Variants in MFN1 observed in about 807,000 individuals in gnomAD.
MFN1 encodes the protein mitofusin 1.
In MFN1, 65 loss-of-function variants were observed where a neutral mutation model predicts 92.4. That is an observed-to-expected ratio of 0.70 (90% CI 0.58 to 0.86). The LOEUF (loss-of-function observed/expected upper bound fraction) is 0.86, where lower values mean the gene tolerates loss of function less well. Ranked by LOEUF, MFN1 falls within the 40% of genes least tolerant of loss-of-function variation. The pLI is 0.00. For missense variants in MFN1, 781 were observed against 868.0 expected (o/e 0.90, Z 1.26); for synonymous variants, 297 against 300.9 (o/e 0.99, Z 0.13).
At chr3:179,349,545 G>A (rs1270738654) in intron 2 of MFN1, among the ~76,000 whole-genome samples, 3 of 148,078 alleles carry the variant, frequency 2.0e-5, no homozygotes, top group Non-Finnish European at 4.5e-5. Flanking sequence ...GTCTTGTCTT[G>A]TTGCCCAGGC....
chr3:179,394,925 C>G lies in MFN1; in HGVS notation c.*2866C>G, dbSNP rs952940373. 6.6e-6 allele frequency: 1 copy of G among 152,024 alleles called. No individual in the cohort carries two copies. The highest frequency in any genetic ancestry group is 1.5e-5 in the Non-Finnish European group (1 of 67,998). The allele number at this position is 152,024 out of a possible 1,614,324, so 9.4% of individuals were successfully genotyped here. A position where few individuals can be genotyped will look rare whatever the true frequency, so the allele number is the denominator to read the frequency against. ...GCAAGATGAAAATAAAACCTGTTTG[C>G]CTGATAGTTGACAAATGTAGCATTT... On this transcript the variant is annotated 3_prime_UTR_variant, in exon 18 of 18. Coordinates refer to ENST00000471841, the MANE Select transcript of MFN1 (RefSeq NM_033540.3).
At chr3:179,365,265 G>A in intron 7 of MFN1, 40 bp downstream of exon 7, 2 of 1,099,214 alleles carry the variant, frequency 1.8e-6, no homozygotes, top group Non-Finnish European at 2.6e-6. Context: ...TTGAAATACA[G>A]TCACATACAT....
At chr3:179,374,907 TA>T (rs1261133596) in intron 9 of MFN1, among the ~76,000 whole-genome samples, 1 of 152,222 alleles carries the variant, frequency 6.6e-6, no homozygotes, top group African/African-American at 2.4e-5. Context: ...ATAAAAATAG[TA>T]ATTCTAATGA....
rs74351803 is a variant in MFN1 at position 179,373,375 on chromosome 3, T to G, written c.976-1845T>G. ...GGATAAGAAATGTAGCACTAGAGTA[T>G]TAAGTAAATGCCTTTTGAAGCCTAA... On this transcript the variant is annotated intron_variant, in intron 9 of 17. Coordinates refer to ENST00000471841, the MANE Select transcript of MFN1 (RefSeq NM_033540.3). Among the ~76,000 whole-genome samples the G allele has an allele frequency of 4.0e-3, 614 of 152,292 alleles. 35 individuals carry two copies. In the East Asian group the frequency reaches 0.085, roughly 21 times the overall value.
intron 9 of MFN1, among the ~76,000 whole-genome samples, chr3:179,371,785 A>G (rs572103991): frequency 1.4e-4 from 21 of 152,178 alleles, no homozygotes; most frequent in East Asian, 1.4e-3. Context: ...AAATTTGAAC[A>G]TGAACTGTTT....
rs34938438 is a variant in MFN1, at chr3:179,370,392, C to CTTTTTTTTTTTTTT, written c.975+2299_975+2312dup. Among the ~76,000 whole-genome samples, 15 of 88,078 alleles carry CTTTTTTTTTTTTTT rather than the reference C, an allele frequency of 1.7e-4. 1 individual carries two copies. Among genetic ancestry groups the CTTTTTTTTTTTTTT allele is most frequent in the Admixed American group, 3.2e-4 (2 of 6,202 alleles). The allele number at this position is 88,078 out of a possible 152,430, so 57.8% of individuals were successfully genotyped here. ...TTTTTGGGGTTTCATTCACTAAGTT[C>CTTTTTTTTTTTTTT]TTTTTTTTTTTTTTTTTTTTTTTGA... On this transcript the variant is annotated intron_variant, in intron 9 of 17. Coordinates refer to ENST00000471841, the MANE Select transcript of MFN1 (RefSeq NM_033540.3).
chr3:179,374,635 A>G (rs984993024), intron 9 of MFN1, among the ~76,000 whole-genome samples: 1 of 152,062 alleles, frequency 6.6e-6, no homozygotes, highest in African/African-American at 2.4e-5. Context: ...AGTAATTACA[A>G]TTATCTTCTA....
chr3:179,383,874 T>TGGGTCC (rs1435092868), intron 14 of MFN1, among the ~76,000 whole-genome samples: 24 of 152,174 alleles, frequency 1.6e-4, no homozygotes, highest in Non-Finnish European at 2.6e-4. Context: ...TTTAAAAAAT[T>TGGGTCC]TATCAATTCA....
intron 4 of MFN1, among the ~76,000 whole-genome samples, chr3:179,360,040 C>A (rs58902410): frequency 1.3e-5 from 2 of 151,840 alleles, no homozygotes; most frequent in Non-Finnish European, 1.5e-5. Context: ...CTCAGCCTCC[C>A]GAGTAGCTGG....
At chr3:179,350,217 T>C (rs762709182) in intron 2 of MFN1, among the ~76,000 whole-genome samples, 5 of 152,140 alleles carry the variant, frequency 3.3e-5, no homozygotes, top group Non-Finnish European at 1.5e-5. Flanking sequence ...TGTAAATTTT[T>C]CCAGCGACAG....
chr3:179,367,673 C>G (rs1317514187), intron 8 of MFN1, 81 bp downstream of exon 8: 2 of 1,275,594 alleles, frequency 1.6e-6, no homozygotes, highest in East Asian at 5.4e-5. Context: ...GCCTGTAATC[C>G]CAGCACTTTG....
chr3:179,365,216 T>G lies in MFN1; in HGVS notation c.744T>G (p.Tyr248Ter). 1 of 1,534,206 alleles carries G rather than the reference T, an allele frequency of 6.5e-7. No homozygotes were observed. Among genetic ancestry groups the G allele is most frequent in the Non-Finnish European group, 8.7e-7 (1 of 1,148,118 alleles). ...ATGCCTCTGCATCAGAGCCAGAATATATGGAAGACGTAAGTTGTTATTTTT... is the reference window on the plus strand; with the variant it reads ...ATGCCTCTGCATCAGAGCCAGAATAGATGGAAGACGTAAGTTGTTATTTTT... ...RWDASASEPEYMEDVRRQHME... is the reference protein window; with the variant it reads ...RWDASASEPE The change falls in exon 7 of 18, where the codon TAT becomes TAG. Residue 248 changes from tyrosine (Y) to a stop codon, truncating the protein, a stop_gained. Coordinates refer to ENST00000471841, the MANE Select transcript of MFN1 (RefSeq NM_033540.3). LOFTEE classifies it high-confidence loss of function.
chr3:179,352,529 A>G (rs952783771), intron 3 of MFN1, among the ~76,000 whole-genome samples: 2 of 152,250 alleles, frequency 1.3e-5, no homozygotes, highest in Non-Finnish European at 2.9e-5. Flanking sequence ...TAATTCAGAT[A>G]AAATGTTTTC....
chr3:179,353,406 C>G (rs1712231916), intron 3 of MFN1, among the ~76,000 whole-genome samples: 1 of 151,562 alleles, frequency 6.6e-6, no homozygotes, highest in South Asian at 2.1e-4. Flanking sequence ...TAGGGTTTCA[C>G]CATGTTGGCC....
In MFN1 at chr3:179,394,452, G is replaced by T. The variant is rs1487097705; in HGVS notation, c.*2393G>T. On this transcript the variant is annotated 3_prime_UTR_variant, in exon 18 of 18. Transcript: ENST00000471841. Reference sequence around the variant, plus strand: ...TTTTTTTGAGACGGAGTCTCGCTCTGTCGCCCAGGCTGGAGTGCAGTGGCG... The same window carrying T: ...TTTTTTTGAGACGGAGTCTCGCTCTTTCGCCCAGGCTGGAGTGCAGTGGCG... 9.2e-6 allele frequency: 1 copy of T among 109,188 alleles called. No individual in the cohort carries two copies. The highest frequency in any genetic ancestry group is 3.7e-5 in the African/African-American group (1 of 27,336). 6.8% of individuals were successfully genotyped at this position (109,188 alleles called of 1,614,324 possible).
At chr3:179,374,649 A>T (rs943442271) in intron 9 of MFN1, among the ~76,000 whole-genome samples, 4 of 152,106 alleles carry the variant, frequency 2.6e-5, no homozygotes, top group Non-Finnish European at 5.9e-5. Flanking sequence ...TCTTCTAAAC[A>T]GCTGCAGATA....
At chr3:179,372,053 T>TTATTATA (rs564698602) in intron 9 of MFN1, among the ~76,000 whole-genome samples, 1,990 of 146,984 alleles carry the variant, frequency 0.014, 48 homozygotes, top group African/African-American at 0.047. Flanking sequence ...TTATATATAT[T>TTATTATA]TATTATATAT....
At chr3:179,352,499 A>T (rs1712186723) in intron 3 of MFN1, among the ~76,000 whole-genome samples, 1 of 152,242 alleles carries the variant, frequency 6.6e-6, no homozygotes, top group African/African-American at 2.4e-5. Flanking sequence ...CTTATCAATA[A>T]ACATACTTTA....
intron 16 of MFN1, among the ~76,000 whole-genome samples, chr3:179,388,050 T>C (rs533713703): frequency 6.6e-5 from 10 of 151,928 alleles, no homozygotes; most frequent in African/African-American, 2.4e-4. Context: ...AGCTAATTTT[T>C]TTTGTATTTT....
Sources: gnomAD v4.1 joint callset for allele counts (sites outside exome capture counted in the v4.1 genomes callset) on GRCh38, gnomAD v4.1.1 for gene constraint, MANE v1.5 for transcripts, NCBI Gene and HGNC (gene_info 2026-07-23, HGNC 2026-07-21) for gene names.